Variants in PDGFRA observed in about 807,000 individuals in gnomAD.
The protein encoded by PDGFRA is platelet derived growth factor receptor alpha, also known as platelet-derived growth factor receptor alpha.
PDGFRA carries 25 observed loss-of-function variants against 121.5 expected under a neutral mutation model. That is an observed-to-expected ratio of 0.21 (90% confidence interval 0.15 to 0.29). The LOEUF is 0.29. PDGFRA is among the 10% of genes least tolerant of loss of function. PDGFRA has a pLI of 1.00. For missense variants in PDGFRA, 1,008 were observed against 1,345.1 expected, an observed-to-expected ratio of 0.75 and a Z score of 3.92; for synonymous variants, 463 against 494.8, an observed-to-expected ratio of 0.94 and a Z score of 0.85.
chr4:54,231,527 A>G (rs1174373646), intron 1 of PDGFRA, among the ~76,000 whole-genome samples: 1 of 151,906 alleles, frequency 6.6e-6, no homozygotes, highest in African/African-American at 2.4e-5. Flanking sequence ...CCCATCCCCG[A>G]CCCCTAATCT....
At chr4:54,229,514 A>AG (rs1720540770) in intron 1 of PDGFRA, 99 bp downstream of exon 1, 1 of 377,522 alleles carries the variant, frequency 2.6e-6, no homozygotes, top group Admixed American at 4.9e-5. Context: ...TTGGGCGACA[A>AG]GAAAAAAAAA....
At chr4:54,269,605 CAT>C (rs1440137153) in intron 7 of PDGFRA, among the ~76,000 whole-genome samples, 4 of 147,880 alleles carry the variant, frequency 2.7e-5, no homozygotes, top group Admixed American at 1.3e-4. Flanking sequence ...TTTGAAGAGA[CAT>C]ATATTTTTTT....
chr4:54,248,262 G>A (rs1222938212), intron 1 of PDGFRA, among the ~76,000 whole-genome samples: 2 of 152,118 alleles, frequency 1.3e-5, no homozygotes, highest in East Asian at 1.9e-4. Context: ...CGCCAAGTCA[G>A]TCCTAAGCCA....
intron 1 of PDGFRA, among the ~76,000 whole-genome samples, chr4:54,235,934 G>T (rs1024499212): frequency 6.6e-6 from 1 of 152,230 alleles, no homozygotes; most frequent in Non-Finnish European, 1.5e-5. Flanking sequence ...TATCAGATTT[G>T]GGATCAGTGG....
At chr4:54,245,908 G>C (rs1451568711) in intron 1 of PDGFRA, among the ~76,000 whole-genome samples, 1 of 152,110 alleles carries the variant, frequency 6.6e-6, no homozygotes, top group East Asian at 1.9e-4. Flanking sequence ...GGCAGGGGTT[G>C]CAATCCTAGT....
intron 16 of PDGFRA, among the ~76,000 whole-genome samples, chr4:54,284,556 GA>G (rs1724219715): frequency 5.3e-5 from 1 of 18,704 alleles, no homozygotes; most frequent in African/African-American, 1.1e-4. Context: ...GAGCAAGTGA[GA>G]GAGAGACAGA....
At position 54,296,464 on chromosome 4, in the gene PDGFRA, C is replaced by T; in HGVS notation, c.*1192C>T. On this transcript the variant is annotated 3_prime_UTR_variant, in exon 23 of 23. Transcript: ENST00000257290. ...GAACCTGAAAAGGGTCAGAAGGATG[C>T]CCAGACATCAGCCTCCTTCTTTCAC... is the stretch of plus-strand genomic sequence containing the variant. 1 of 230,520 alleles carries T rather than the reference C, an allele frequency of 4.3e-6. No individual in the cohort carries two copies. Among genetic ancestry groups the T allele is most frequent in the Non-Finnish European group, 8.6e-6 (1 of 116,592 alleles). 14.3% of individuals were successfully genotyped at this position (230,520 alleles called of 1,614,324 possible).
At chr4:54,241,559 T>C (rs1349395401) in intron 1 of PDGFRA, among the ~76,000 whole-genome samples, 1 of 143,654 alleles carries the variant, frequency 7.0e-6, no homozygotes, top group Non-Finnish European at 1.5e-5. Context: ...TTATTTATGA[T>C]TTATTTTGAG....
intron 13 of PDGFRA, 32 bp downstream of exon 13, chr4:54,277,524 A>G: frequency 6.8e-7 from 1 of 1,463,602 alleles, no homozygotes; most frequent in East Asian, 2.3e-5. Flanking sequence ...TTTTTTGAGC[A>G]CGGGGATTTT....
rs962123697 is a variant in PDGFRA at position 54,285,543 on chromosome 4, ACGGAGATGCT to A, written c.2439+58_2439+67del. The A allele has an allele frequency of 4.8e-6, 4 of 836,106 alleles. No homozygotes were observed. In the African/African-American group the frequency reaches 6.7e-5, roughly 14 times the overall value. The allele number at this position is 836,106 out of a possible 1,614,324, so 51.8% of individuals were successfully genotyped here. A position where few individuals can be genotyped will look rare whatever the true frequency, so the allele number is the denominator to read the frequency against. ...CCAGATTTCAGTGAGTGGAGTGTGGACGGAGATGCTAGGAGATAGATGTTGGAAAGGCCAT... is the reference window on the plus strand; with the variant it reads ...CCAGATTTCAGTGAGTGGAGTGTGGAAGGAGATAGATGTTGGAAAGGCCAT... On this transcript the variant is annotated intron_variant, in intron 17 of 22. Coordinates refer to ENST00000257290, the MANE Select transcript of PDGFRA (RefSeq NM_006206.6).
At chr4:54,259,605 T>C (rs1368951581) in intron 2 of PDGFRA, among the ~76,000 whole-genome samples, 1 of 152,230 alleles carries the variant, frequency 6.6e-6, no homozygotes, top group African/African-American at 2.4e-5. Context: ...ACCAGTGCTC[T>C]TCTATTCTGA....
intron 1 of PDGFRA, among the ~76,000 whole-genome samples, chr4:54,249,498 A>G (rs1004501943): frequency 6.6e-6 from 1 of 152,170 alleles, no homozygotes; most frequent in African/African-American, 2.4e-5. Context: ...CATGGATGAA[A>G]TTGGAAATCA....
chr4:54,266,841 G>A lies in PDGFRA; in HGVS notation c.760-448G>A, dbSNP rs548620425. Among the ~76,000 whole-genome samples, 7 of 152,198 alleles carry A rather than the reference G, an allele frequency of 4.6e-5. No homozygotes were observed. In the East Asian group the frequency reaches 1.2e-3, roughly 25 times the overall value. ...ACAAAAATTTTTAAAAATTAGCCAGGTGTGGTGGCATGAGCCTGTAGCCCC... is the reference window on the plus strand; with the variant it reads ...ACAAAAATTTTTAAAAATTAGCCAGATGTGGTGGCATGAGCCTGTAGCCCC... On this transcript the variant is annotated intron_variant, in intron 5 of 22. Coordinates refer to ENST00000257290, the MANE Select transcript of PDGFRA (RefSeq NM_006206.6).
intron 7 of PDGFRA, 58 bp downstream of exon 7, chr4:54,267,799 AGGTTTGTGTGTGT>A: frequency 7.0e-7 from 1 of 1,434,968 alleles, no homozygotes; most frequent in East Asian, 2.3e-5. Flanking sequence ...AGGCGGACTG[AGGTTTGTGTGTGT>A]CTTACAACCC....
chr4:54,251,157 C>T (rs367703140), intron 1 of PDGFRA, among the ~76,000 whole-genome samples: 10 of 150,398 alleles, frequency 6.6e-5, no homozygotes, highest in Admixed American at 3.3e-4. Context: ...CTCATAGAAA[C>T]TTAATATATT....
chr4:54,261,523 T>G (rs1722715953), intron 3 of PDGFRA, 111 bp downstream of exon 3: 1 of 661,796 alleles, frequency 1.5e-6, no homozygotes, highest in Admixed American at 3.0e-5. Context: ...TGCGGGAAGT[T>G]TGAAAAATGT....
chr4:54,291,915 G>T (rs1724651479), intron 22 of PDGFRA, among the ~76,000 whole-genome samples: 1 of 151,774 alleles, frequency 6.6e-6, no homozygotes, highest in South Asian at 2.1e-4. Context: ...AGAACATCTG[G>T]CACATATACA....
At chr4:54,256,286 C>T (rs760064329) in intron 1 of PDGFRA, among the ~76,000 whole-genome samples, 5 of 151,902 alleles carry the variant, frequency 3.3e-5, no homozygotes, top group African/African-American at 7.3e-5. Context: ...CCCAGGCTGG[C>T]GTGCAGTGGC....
intron 1 of PDGFRA, chr4:54,243,660 A>C (rs1452031888): frequency 6.6e-6 from 1 of 152,538 alleles, no homozygotes; most frequent in Non-Finnish European, 1.5e-5. Flanking sequence ...TGATTTCTGC[A>C]TTTCCATCTG....
Sources: gnomAD v4.1 joint callset for allele counts (sites outside exome capture counted in the v4.1 genomes callset) on GRCh38, gnomAD v4.1.1 for gene constraint, MANE v1.5 for transcripts, NCBI Gene and HGNC (gene_info 2026-07-23, HGNC 2026-07-21) for gene names.